C13orf46: variants seen among roughly 807,000 people sequenced by gnomAD.
The protein encoded by C13orf46 is uncharacterized protein C13orf46.
chr13:113,947,250 G>A, the C13orf46 span, among the ~76,000 whole-genome samples: 1 of 152,190 alleles, frequency 6.6e-6, no homozygotes, highest in African/African-American at 2.4e-5. Flanking sequence ...GACAAGCGTC[G>A]GGGCAGGTTA....
At chr13:113,949,804 C>T (rs1342155459), downstream of C13orf46, among the ~76,000 whole-genome samples, 3 of 151,894 alleles carry the variant, frequency 2.0e-5, no homozygotes, top group Admixed American at 6.6e-5. Context: ...GTGCTCCCAT[C>T]GCCCCCTGCC....
chr13:113,927,741 G>A, the C13orf46 span: 7 of 397,130 alleles, frequency 1.8e-5, no homozygotes, highest in Admixed American at 4.4e-5. Context: ...GGCCATGTGC[G>A]GTGTCACCTC....
chr13:113,935,706 A>G, the C13orf46 span, among the ~76,000 whole-genome samples: 19 of 152,334 alleles, frequency 1.2e-4, no homozygotes, highest in South Asian at 1.2e-3. Context: ...ACGTGCCCTT[A>G]GGGTGGGAGT....
downstream of C13orf46, among the ~76,000 whole-genome samples, chr13:113,950,239 A>C (rs1324035662): frequency 7.4e-6 from 1 of 135,142 alleles, no homozygotes; most frequent in East Asian, 2.2e-4. Flanking sequence ...CCATCTGTAG[A>C]GTGGGGTCCT....
the C13orf46 span, among the ~76,000 whole-genome samples, chr13:113,946,299 T>C: frequency 6.6e-6 from 1 of 152,152 alleles, no homozygotes; most frequent in Non-Finnish European, 1.5e-5. Flanking sequence ...CGCACCCCTC[T>C]AACTCACGTA....
At chr13:113,964,599 C>G (rs1035145007) in intron 6 of C13orf46, among the ~76,000 whole-genome samples, 18 of 152,348 alleles carry the variant, frequency 1.2e-4, no homozygotes, top group Admixed American at 3.3e-4. Flanking sequence ...ACCTCTCCCC[C>G]CTCCTTCCTC....
chr13:113,967,873 G>A (rs1045445807), intron 4 of C13orf46, among the ~76,000 whole-genome samples: 9 of 152,300 alleles, frequency 5.9e-5, no homozygotes, highest in South Asian at 4.1e-4. Flanking sequence ...CGGCTTCAGC[G>A]GCTCAGGGTT....
chr13:113,928,228 G>A, the C13orf46 span: 2 of 152,414 alleles, frequency 1.3e-5, no homozygotes, highest in East Asian at 1.9e-4. Context: ...CATCGTGGAG[G>A]GGGGCGCATT....
downstream of C13orf46, among the ~76,000 whole-genome samples, chr13:113,951,994 G>T (rs1296820332): frequency 6.6e-6 from 1 of 152,228 alleles, no homozygotes; most frequent in Non-Finnish European, 1.5e-5. Context: ...ACATGGTCCC[G>T]TGTGTGGGCA....
At chr13:113,948,622 T>G in the C13orf46 span, among the ~76,000 whole-genome samples, 1 of 152,170 alleles carries the variant, frequency 6.6e-6, no homozygotes, top group Non-Finnish European at 1.5e-5. Flanking sequence ...GCTCCGCCCC[T>G]CAACCTCAGT....
chr13:113,959,282 G>A (rs2052568619), intron 6 of C13orf46, among the ~76,000 whole-genome samples: 1 of 152,112 alleles, frequency 6.6e-6, no homozygotes, highest in African/African-American at 2.4e-5. Flanking sequence ...AAAAAGAAAA[G>A]GAAAAGATTC....
the C13orf46 span, among the ~76,000 whole-genome samples, chr13:113,939,864 T>C: frequency 6.6e-6 from 1 of 152,216 alleles, no homozygotes; most frequent in Non-Finnish European, 1.5e-5. Flanking sequence ...CATGTGCTTC[T>C]AAGTCAAACA....
At chr13:113,953,395 G>A (rs888839401), downstream of C13orf46, among the ~76,000 whole-genome samples, 32 of 152,202 alleles carry the variant, frequency 2.1e-4, no homozygotes, top group South Asian at 8.3e-4. Context: ...TCACCTCTCC[G>A]GGGTCCCAGG....
intron 6 of C13orf46, among the ~76,000 whole-genome samples, chr13:113,957,644 C>T (rs2052549739): frequency 1.6e-5 from 2 of 124,544 alleles, no homozygotes; most frequent in South Asian, 5.9e-4. Flanking sequence ...CTGCACTCTG[C>T]CTGCACCCCC....
downstream of C13orf46, among the ~76,000 whole-genome samples, chr13:113,948,758 G>A (rs977447676): frequency 3.3e-5 from 5 of 152,256 alleles, no homozygotes; most frequent in South Asian, 4.1e-4. Context: ...ACTACAAAAC[G>A]CTACTGAGAT....
the C13orf46 span, among the ~76,000 whole-genome samples, chr13:113,945,540 A>T: frequency 7.4e-4 from 33 of 44,314 alleles, no homozygotes; most frequent in African/African-American, 2.7e-3. Flanking sequence ...CGAGAATCTG[A>T]GAAAGAAAGA....
chr13:113,943,626 G>A, the C13orf46 span, among the ~76,000 whole-genome samples: 5 of 152,190 alleles, frequency 3.3e-5, no homozygotes, highest in Non-Finnish European at 5.9e-5. Flanking sequence ...CCCCGTTCCC[G>A]TCATGGCTGG....
chr13:113,962,357 G>C (rs1212446935), intron 6 of C13orf46, among the ~76,000 whole-genome samples: 2 of 152,240 alleles, frequency 1.3e-5, no homozygotes, highest in Non-Finnish European at 2.9e-5. Flanking sequence ...AGTGAGCCGA[G>C]ATGGTGCCAC....
At chr13:113,965,951 T>C (rs933070542) in intron 5 of C13orf46, among the ~76,000 whole-genome samples, 4 of 146,852 alleles carry the variant, frequency 2.7e-5, no homozygotes, top group East Asian at 4.5e-4. Context: ...GTGATGATGA[T>C]GGTGATGGTG....
Sources: gnomAD v4.1 joint callset for allele counts (sites outside exome capture counted in the v4.1 genomes callset) on GRCh38, gnomAD v4.1.1 for gene constraint, MANE v1.5 for transcripts, NCBI Gene and HGNC (gene_info 2026-07-23, HGNC 2026-07-21) for gene names.